The following PTPRU variants were observed in gnomAD, a reference collection of about 807,000 sequenced individuals.
PTPRU encodes receptor-type tyrosine-protein phosphatase U.
A neutral mutation model predicts 166.3 loss-of-function variants in PTPRU; 69 were observed. That is an observed-to-expected ratio of 0.41 (90% confidence interval 0.34 to 0.51). PTPRU has a LOEUF of 0.51. Among genes scored for constraint, PTPRU ranks in the 20% least tolerant of loss-of-function variants. The pLI, the probability that PTPRU is intolerant of heterozygous loss-of-function variation, is 0.09. For synonymous variants in PTPRU, 793 were observed against 814.0 expected, an observed-to-expected ratio of 0.97 and a Z score of 0.44; for missense variants, 1,657 against 2,013.7, an observed-to-expected ratio of 0.82 and a Z score of 3.39.
chr1:29,304,721 GCCCTCAGTGAGGGT>G, intron 16 of PTPRU, 39 bp from the exon 17 acceptor site: 1 of 1,198,120 alleles, frequency 8.3e-7, no homozygotes, highest in Non-Finnish European at 1.2e-6. Context: ...AGGGGAAGGG[GCCCTCAGTGAGGGT>G]CCCTCTCTCC....
At position 29,279,579 on chromosome 1, in the gene PTPRU, T is replaced by C; in HGVS notation, c.1687T>C (p.Tyr563His). 6.2e-7 allele frequency: 1 copy of C among 1,614,050 alleles called. No individual in the cohort carries two copies. Among genetic ancestry groups the C allele is most frequent in the Non-Finnish European group, 8.5e-7 (1 of 1,179,958 alleles). The change falls in exon 10 of 30, where the codon TAC (tyrosine) becomes CAC (histidine). Residue 563 changes from tyrosine to histidine, a missense_variant. By Grantham distance (83) the Tyr-to-His change is moderately conservative (BLOSUM62 2). Around this residue, in one of 3 missense-constraint regions of PTPRU, gnomAD observed 1,190 missense variants for 1,477.4 expected, o/e 0.81. Coordinates refer to ENST00000373779, the MANE Select transcript of PTPRU (RefSeq NM_133178.4). This position sits in a 1 kb window ranked among gnomAD's most constrained non-coding sequence, Gnocchi z 5.2. ...VFSNLHPGTTYLFSVRARTGK... is the reference protein window; with the variant it reads ...VFSNLHPGTTHLFSVRARTGK... ...CTCCAACCTGCACCCAGGCACCACC[T>C]ACCTGTTCTCCGTGCGGGCCCGCAC...
chr1:29,314,718 C>T (rs1401698077), intron 22 of PTPRU, among the ~76,000 whole-genome samples: 1 of 152,082 alleles, frequency 6.6e-6, no homozygotes, highest in Non-Finnish European at 1.5e-5. Flanking sequence ...GCTGGAATTA[C>T]AGGCACGTGC....
At chr1:29,323,816 G>A in intron 28 of PTPRU, 28 bp downstream of exon 28, 1 of 1,612,278 alleles carries the variant, frequency 6.2e-7, no homozygotes, top group East Asian at 2.2e-5. Flanking sequence ...GGGAGGGCGG[G>A]TGGAGGGGTT....
At chr1:29,297,565 A>G (rs371443884) in intron 15 of PTPRU, among the ~76,000 whole-genome samples, 283 of 152,344 alleles carry the variant, frequency 1.9e-3, no homozygotes, top group Non-Finnish European at 3.6e-3. Flanking sequence ...AGGAAAGGGC[A>G]TGTGTAGAGG....
intron 11 of PTPRU, among the ~76,000 whole-genome samples, 160 bp from the exon 12 acceptor site, chr1:29,282,516 G>A (rs1231177979): frequency 6.6e-6 from 1 of 152,218 alleles, no homozygotes; most frequent in Non-Finnish European, 1.5e-5. Flanking sequence ...AGAAACCGAG[G>A]CCCAGGGAGG....
Position 29,279,994 on chromosome 1 carries a change from G to T in PTPRU, c.1766-45G>T. On this transcript the variant is annotated intron_variant, in intron 10 of 29. Coordinates refer to ENST00000373779, the MANE Select transcript of PTPRU (RefSeq NM_133178.4). This position sits in a 1 kb window ranked among gnomAD's most constrained non-coding sequence, Gnocchi z 5.2. ...GGAGGCTGGAAGCCTGGTCTTCCTG[G>T]TCCAGTGGCCAAGCTCCAGCTTGTG... 6.4e-7 allele frequency: 1 copy of T among 1,552,114 alleles called. No homozygotes were observed.
In PTPRU at chr1:29,257,031, G is replaced by A. The variant is rs577833748; in HGVS notation, c.206-1474G>A. On this transcript the variant is annotated intron_variant, in intron 2 of 29. Transcript: ENST00000373779. This position sits in a 1 kb window ranked among gnomAD's most constrained non-coding sequence, Gnocchi z 4.6. ...GGTGGTGGAGGGAGAAGAAAGGAGG[G>A]AGATTCACACTCAGAGATGGAGAGA... is the stretch of plus-strand genomic sequence containing the variant. 6.6e-6 allele frequency among the ~76,000 whole-genome samples: 1 copy of A among 152,198 alleles called. No individual in the cohort carries two copies. Among genetic ancestry groups the A allele is most frequent in the African/African-American group, 2.4e-5 (1 of 41,486 alleles).
chr1:29,284,997 G>C (rs924441910), intron 14 of PTPRU, 128 bp downstream of exon 14: 3 of 1,267,278 alleles, frequency 2.4e-6, no homozygotes, highest in African/African-American at 3.0e-5. Flanking sequence ...TGCCAGCCTG[G>C]GCATCGCCTC....
intron 1 of PTPRU, among the ~76,000 whole-genome samples, chr1:29,244,873 A>G (rs1427572406): frequency 6.6e-6 from 1 of 152,112 alleles, no homozygotes; most frequent in Non-Finnish European, 1.5e-5. Flanking sequence ...GTGTATTTGC[A>G]TGCGTGCGGT....
chr1:29,249,282 GC>G (rs1227529154), intron 1 of PTPRU, among the ~76,000 whole-genome samples: 1 of 152,226 alleles, frequency 6.6e-6, no homozygotes, highest in Non-Finnish European at 1.5e-5. Context: ...AGGCAGCTCT[GC>G]CCCTTACATC....
rs539311676 is a variant in PTPRU, at chr1:29,284,651, C to T, written c.2180-80C>T. On this transcript the variant is annotated intron_variant, in intron 13 of 29. Coordinates refer to ENST00000373779, the MANE Select transcript of PTPRU (RefSeq NM_133178.4). ...GCGGTTTGTGCAGCCCAGTTTGTTC[C>T]TTGGGCACAGCCACCTACAGGAGGG... The T allele has an allele frequency of 8.4e-5, 135 of 1,602,202 alleles. 2 individuals carry two copies. In the Admixed American group the frequency reaches 2.2e-3, roughly 26 times the overall value.
Position 29,284,947 on chromosome 1 carries a change from A to C in PTPRU, c.2318+78A>C. The C allele has an allele frequency of 2.6e-6, 4 of 1,517,348 alleles. No homozygotes were observed. The Admixed American group carries it at 6.1e-5, about 23-fold the overall frequency. 94.0% of individuals were successfully genotyped at this position (1,517,348 alleles called of 1,614,324 possible). A position where few individuals can be genotyped will look rare whatever the true frequency, so the allele number is the denominator to read the frequency against. ...TGGTGGCACAGAGGAATAGTGGCTA[A>C]GAGCTGGTAGGGCAGCTGTCCTGCA... On this transcript the variant is annotated intron_variant, in intron 14 of 29. Coordinates refer to ENST00000373779, the MANE Select transcript of PTPRU (RefSeq NM_133178.4).
At chr1:29,256,924 T>A (rs1211473420) in intron 2 of PTPRU, among the ~76,000 whole-genome samples, 1 of 152,168 alleles carries the variant, frequency 6.6e-6, no homozygotes, top group East Asian at 1.9e-4. Context: ...GTGTGAGCCT[T>A]GTGCTAGGTC....
At chr1:29,310,883 C>T (rs1437215003) in intron 19 of PTPRU, 103 bp downstream of exon 19, 11 of 1,362,670 alleles carry the variant, frequency 8.1e-6, no homozygotes, top group Middle Eastern at 1.8e-4. Context: ...CGCTTGATTC[C>T]TGAATGTCTC....
chr1:29,279,315 C>G lies in PTPRU; in HGVS notation c.1564-141C>G, dbSNP rs1685954461. Reference sequence around the variant, plus strand: ...AGGCAGGAGGGAGAGCCGAAGATGACTAGAAGCCTGGCTTGATGGCATCCA... The same window carrying G: ...AGGCAGGAGGGAGAGCCGAAGATGAGTAGAAGCCTGGCTTGATGGCATCCA... On this transcript the variant is annotated intron_variant, in intron 9 of 29. Transcript: ENST00000373779. The surrounding 1 kb of genome is among the most constrained non-coding windows in gnomAD (Gnocchi z 5.2). 1.3e-5 allele frequency: 14 copies of G among 1,072,716 alleles called. No individual in the cohort carries two copies. The highest frequency in any genetic ancestry group is 1.9e-5 in the Non-Finnish European group (14 of 730,962). The allele number at this position is 1,072,716 out of a possible 1,614,324, so 66.4% of individuals were successfully genotyped here. A position where few individuals can be genotyped will look rare whatever the true frequency, so the allele number is the denominator to read the frequency against.
chr1:29,288,240 G>A (rs1686451186), intron 14 of PTPRU, among the ~76,000 whole-genome samples: 2 of 152,138 alleles, frequency 1.3e-5, no homozygotes, highest in Non-Finnish European at 2.9e-5. Context: ...ACAATGTGTG[G>A]GGCCCTGGGG....
At position 29,305,392 on chromosome 1, in the gene PTPRU, C is replaced by A. The variant is rs1257684797; in HGVS notation, c.2784C>A (p.Asp928Glu). 4 of 1,613,868 alleles carry A rather than the reference C, an allele frequency of 2.5e-6. No individual in the cohort carries two copies. In the African/African-American group the frequency reaches 4.0e-5, roughly 16 times the overall value. The stretch of plus-strand genomic sequence containing the variant: ...TGAAACTGCACCCGATGCTGGGAGA[C>A]CCCAATGCCGACTACATTAATGCCA... ...HRVKLHPMLGDPNADYINANY... is the reference protein window; with the variant it reads ...HRVKLHPMLGEPNADYINANY... Residue 928 changes from aspartate (D) to glutamate (E), a missense_variant, in exon 18 of 30, where the codon GAC (aspartate) becomes GAA (glutamate). Transcript: ENST00000373779.
chr1:29,314,762 A>G (rs1202744097), intron 22 of PTPRU, among the ~76,000 whole-genome samples: 1 of 151,990 alleles, frequency 6.6e-6, no homozygotes, highest in East Asian at 1.9e-4. Context: ...ATTTTTTGGT[A>G]GAGACAGGGT....
At chr1:29,310,900 G>A (rs115258194) in intron 19 of PTPRU, 120 bp downstream of exon 19, 337 of 1,268,272 alleles carry the variant, frequency 2.7e-4, no homozygotes, top group African/African-American at 2.2e-3. Flanking sequence ...TCTCCCCACC[G>A]TCGCCATATT....
Sources: allele counts gnomAD v4.1 joint callset (sites outside exome capture counted in the v4.1 genomes callset), GRCh38; gene constraint gnomAD v4.1.1; regional missense constraint gnomAD v4.1.1; non-coding constraint Gnocchi (gnomAD v3.1); transcripts MANE v1.5; gene names NCBI Gene and HGNC (gene_info 2026-07-23, HGNC 2026-07-21).